The following SMAD3 variants were observed in gnomAD, a reference collection of about 807,000 sequenced individuals.
The protein encoded by SMAD3 is MAD homolog 3.
SMAD3 carries 12 observed loss-of-function variants against 51.8 expected under a neutral mutation model. The observed-to-expected ratio is 0.23, with a 90% CI of 0.15 to 0.38. The LOEUF (loss-of-function observed/expected upper bound fraction) is 0.38. Ranked by LOEUF, SMAD3 falls within the 10% of genes least tolerant of loss-of-function variation. The pLI, the probability that SMAD3 is intolerant of heterozygous loss-of-function variation, is 1.00. For missense variants in SMAD3, 294 were observed against 565.6 expected (o/e 0.52, Z 4.87); for synonymous variants, 238 against 227.7 (o/e 1.05, Z -0.41).
At position 67,192,638 on chromosome 15, in the gene SMAD3, G is replaced by T; in HGVS notation, c.*2102G>T. On this transcript the variant is annotated 3_prime_UTR_variant, in exon 9 of 9. Coordinates refer to ENST00000327367, the MANE Select transcript of SMAD3 (RefSeq NM_005902.4). The stretch of plus-strand genomic sequence containing the variant: ...CGAGGGCCTGCATGATCCACCTGCT[G>T]CACGATCCTATGAGGGCTTCCTGTG... The T allele has an allele frequency of 4.3e-6, 1 of 233,260 alleles. No individual in the cohort carries two copies. Among genetic ancestry groups the T allele is most frequent in the Admixed American group, 5.6e-5 (1 of 17,794 alleles). 14.4% of individuals were successfully genotyped at this position (233,260 alleles called of 1,614,324 possible). A position where few individuals can be genotyped will look rare whatever the true frequency, so the allele number is the denominator to read the frequency against.
intron 1 of SMAD3, among the ~76,000 whole-genome samples, chr15:67,123,958 G>A (rs933060097): frequency 4.6e-5 from 7 of 152,174 alleles, no homozygotes; most frequent in Middle Eastern, 3.4e-3. Context: ...GGTTGTTGTC[G>A]ATTTTATTTA....
intron 1 of SMAD3, among the ~76,000 whole-genome samples, chr15:67,163,843 C>G (rs1962495991): frequency 6.8e-6 from 1 of 148,100 alleles, no homozygotes; most frequent in Non-Finnish European, 1.5e-5. Flanking sequence ...GGAAGCTGAG[C>G]TGGGAGGATC....
In SMAD3 at chr15:67,080,798, C is replaced by G. The variant is rs1223003060; in HGVS notation, c.206+14438C>G. Among the ~76,000 whole-genome samples the G allele has an allele frequency of 2.0e-5, 3 of 152,252 alleles. No individual in the cohort carries two copies. The East Asian group carries it at 5.8e-4, about 29-fold the overall frequency. ...GTGGCCCCGAATAACCCCTCCCTGC[C>G]AACGGAATTCTGCAGAGAACATGTA... On this transcript the variant is annotated intron_variant, in intron 1 of 8. Transcript: ENST00000327367.
chr15:67,136,475 G>A (rs933207743), intron 1 of SMAD3, among the ~76,000 whole-genome samples: 14 of 152,048 alleles, frequency 9.2e-5, no homozygotes, highest in African/African-American at 1.9e-4. Context: ...TATTACAGGC[G>A]TGCACCACCA....
intron 1 of SMAD3, among the ~76,000 whole-genome samples, chr15:67,083,582 A>T (rs1175946996): frequency 6.6e-6 from 1 of 152,194 alleles, no homozygotes; most frequent in African/African-American, 2.4e-5. Context: ...CATTCTGCCC[A>T]GCTGGGCTGA....
chr15:67,154,513 C>A (rs1465354929), intron 1 of SMAD3, among the ~76,000 whole-genome samples: 1 of 152,154 alleles, frequency 6.6e-6, no homozygotes, highest in East Asian at 1.9e-4. Flanking sequence ...GCAGTGAGAC[C>A]TCAATTATCT....
intron 1 of SMAD3, among the ~76,000 whole-genome samples, chr15:67,093,469 G>A (rs1250607783): frequency 1.3e-5 from 2 of 152,172 alleles, no homozygotes; most frequent in East Asian, 3.9e-4. Context: ...TGACTGTCAC[G>A]CTCCTGGCAT....
Position 67,105,697 on chromosome 15 carries a change from G to GAAACAGGAAT in SMAD3, c.206+39338_206+39347dup, listed in dbSNP as rs538173306. On this transcript the variant is annotated intron_variant, in intron 1 of 8. Coordinates refer to ENST00000327367, the MANE Select transcript of SMAD3 (RefSeq NM_005902.4). ...TCTCTCTGACAGGGCACAGGAGGGA[G>GAAACAGGAAT]AAACAGGAATGTGTCTCTTACCCTG... Among the ~76,000 whole-genome samples the GAAACAGGAAT allele has an allele frequency of 1.4e-4, 21 of 152,324 alleles. No homozygotes were observed. In the East Asian group the frequency reaches 4.0e-3, roughly 29 times the overall value.
chr15:67,161,028 A>G (rs970240166), intron 1 of SMAD3, among the ~76,000 whole-genome samples: 2 of 152,004 alleles, frequency 1.3e-5, no homozygotes, highest in Non-Finnish European at 2.9e-5. Context: ...ATCATTGTCT[A>G]TCCCAAAAAG....
At chr15:67,098,663 A>C (rs1960674470) in intron 1 of SMAD3, 1 of 550,664 alleles carries the variant, frequency 1.8e-6, no homozygotes, top group Admixed American at 3.1e-5. Context: ...CTCCTGCCAC[A>C]GTGAGCTAAT....
intron 1 of SMAD3, among the ~76,000 whole-genome samples, chr15:67,129,042 G>A (rs1468629355): frequency 1.3e-5 from 2 of 152,152 alleles, no homozygotes; most frequent in Non-Finnish European, 2.9e-5. Context: ...GTCCCAGGTA[G>A]AGTTGGAATT....
intron 1 of SMAD3, among the ~76,000 whole-genome samples, chr15:67,130,051 C>T (rs750938994): frequency 2.0e-4 from 31 of 152,134 alleles, no homozygotes; most frequent in Non-Finnish European, 4.0e-4. Flanking sequence ...GGTCTTCTTC[C>T]CATTAAGGAA....
At chr15:67,159,121 A>T (rs1365623109) in intron 1 of SMAD3, among the ~76,000 whole-genome samples, 2 of 151,584 alleles carry the variant, frequency 1.3e-5, no homozygotes, top group Non-Finnish European at 2.9e-5. Context: ...CCCAGGCTGG[A>T]GTGCTCTGGT....
chr15:67,134,004 G>C (rs1397454217), intron 1 of SMAD3, among the ~76,000 whole-genome samples: 1 of 151,952 alleles, frequency 6.6e-6, no homozygotes, highest in East Asian at 1.9e-4. Flanking sequence ...CAGCACTTGA[G>C]ATATTTTCAC....
intron 8 of SMAD3, among the ~76,000 whole-genome samples, chr15:67,190,202 C>G (rs56264428): frequency 1.3e-5 from 2 of 152,162 alleles, no homozygotes; most frequent in African/African-American, 2.4e-5. Flanking sequence ...TTCCTTCCCC[C>G]TCAAGAGAAC....
In SMAD3 at chr15:67,099,036, T is replaced by C. The variant is rs1253401334; in HGVS notation, c.206+32676T>C. Reference sequence around the variant, plus strand: ...CGAGGATCAACTCTGTGAGTACCCATGATAATTCTCCTTTCTGTGGTTGCC... The same window carrying C: ...CGAGGATCAACTCTGTGAGTACCCACGATAATTCTCCTTTCTGTGGTTGCC... On this transcript the variant is annotated intron_variant, in intron 1 of 8. Transcript: ENST00000327367. The C allele has an allele frequency of 7.8e-6, 5 of 637,178 alleles. No individual in the cohort carries two copies. The East Asian group carries it at 8.6e-5, about 11-fold the overall frequency. The allele number at this position is 637,178 out of a possible 1,614,324, so 39.5% of individuals were successfully genotyped here.
At chr15:67,102,267 T>TGTGTGTGTGTGTGTGTGC (rs781214785) in intron 1 of SMAD3, among the ~76,000 whole-genome samples, 7 of 131,962 alleles carry the variant, frequency 5.3e-5, no homozygotes, top group Non-Finnish European at 8.4e-5. Flanking sequence ...TGTGTGTGTG[T>TGTGTGTGTGTGTGTGTGC]GCGGTGTGTG....
chr15:67,170,758 G>A, intron 5 of SMAD3, 154 bp downstream of exon 5: 1 of 655,066 alleles, frequency 1.5e-6, no homozygotes, highest in Non-Finnish European at 2.7e-6. Context: ...CGGTGATGTT[G>A]AGGTCACCAC....
chr15:67,080,880 C>A (rs996757284), intron 1 of SMAD3, among the ~76,000 whole-genome samples: 4 of 152,196 alleles, frequency 2.6e-5, no homozygotes, highest in South Asian at 4.1e-4. Flanking sequence ...CCGCGATCAT[C>A]CAAACCTCAT....
Sources: gnomAD v4.1 joint callset for allele counts (sites outside exome capture counted in the v4.1 genomes callset) on GRCh38, gnomAD v4.1.1 for gene constraint, MANE v1.5 for transcripts, NCBI Gene and HGNC (gene_info 2026-07-23, HGNC 2026-07-21) for gene names.